EPC1: variants seen among roughly 807,000 people sequenced by gnomAD.
The protein encoded by EPC1 is enhancer of polycomb 1, also known as enhancer of polycomb homolog 1.
In EPC1, 12 loss-of-function variants were observed where a neutral mutation model predicts 98.4. The ratio of observed to expected loss-of-function variants is 0.12; its 90% CI spans 0.08 to 0.20. The LOEUF is 0.20. Among genes scored for constraint, EPC1 ranks in the 10% least tolerant of loss-of-function variants. The pLI, the probability that EPC1 is intolerant of heterozygous loss-of-function variation, is 1.00. For synonymous variants in EPC1, 357 were observed against 363.9 expected (o/e 0.98, Z 0.21); for missense variants, 729 against 990.5 (o/e 0.74, Z 3.54).
chr10:32,277,450 C>T (rs914844767), intron 10 of EPC1, among the ~76,000 whole-genome samples: 6 of 152,196 alleles, frequency 3.9e-5, no homozygotes, highest in African/African-American at 1.4e-4. Flanking sequence ...TAACCAAGAT[C>T]CTCAAACAAC....
chr10:32,286,676 A>T lies in EPC1; in HGVS notation c.1391+18T>A. Reference sequence around the variant, plus strand: ...ATGCCTAAAATATCCTTCTGCTAGGAATACAGAAATACCTTACCTTCCACC... The same window carrying T: ...ATGCCTAAAATATCCTTCTGCTAGGTATACAGAAATACCTTACCTTCCACC... On this transcript the variant is annotated intron_variant, in intron 9 of 13. Transcript: ENST00000319778. 1 of 1,613,110 alleles carries T rather than the reference A, an allele frequency of 6.2e-7. No individual in the cohort carries two copies. The highest frequency in any genetic ancestry group is 8.5e-7 in the Non-Finnish European group (1 of 1,179,624).
rs1398651334 is a variant in EPC1, at chr10:32,347,075, G to A, written c.-160C>T. 2.5e-5 allele frequency: 36 copies of A among 1,451,560 alleles called. No homozygotes were observed. The highest frequency in any genetic ancestry group is 3.0e-5 in the Non-Finnish European group (33 of 1,108,552). The allele number at this position is 1,451,560 out of a possible 1,614,324, so 89.9% of individuals were successfully genotyped here. On this transcript the variant is annotated 5_prime_UTR_variant, in exon 1 of 14. Transcript: ENST00000319778. Reference sequence around the variant, plus strand: ...GGGCACTAACACCAGCCGGGAGGGTGGGAGGCTGTGCCGCTCCGCTCCTCT... The same window carrying A: ...GGGCACTAACACCAGCCGGGAGGGTAGGAGGCTGTGCCGCTCCGCTCCTCT...
chr10:32,334,122 A>G (rs922556787), intron 1 of EPC1, among the ~76,000 whole-genome samples: 1 of 152,254 alleles, frequency 6.6e-6, no homozygotes, highest in Non-Finnish European at 1.5e-5. Flanking sequence ...CTAGGAATTG[A>G]GACTCACCTA....
At chr10:32,346,510 C>T (rs1387616875) in intron 1 of EPC1, 12 of 496,842 alleles carry the variant, frequency 2.4e-5, no homozygotes, top group Non-Finnish European at 4.0e-5. Flanking sequence ...TTGTGCCTTT[C>T]GGGCCCCCGA....
At chr10:32,345,194 CAAGTAA>C (rs1564560024) in intron 1 of EPC1, 1 of 984,754 alleles carries the variant, frequency 1.0e-6, no homozygotes, top group Non-Finnish European at 1.2e-6. Flanking sequence ...AAAGTTGATA[CAAGTAA>C]AATAAATTAA....
At chr10:32,338,403 CACATGGTAGCCAGAATAATCTTGAAAA>C (rs1838109378) in intron 1 of EPC1, among the ~76,000 whole-genome samples, 1 of 152,198 alleles carries the variant, frequency 6.6e-6, no homozygotes, top group South Asian at 2.1e-4. Context: ...ACTCATTCTC[CACATGGTAGCCAGAATAATCTTGAAAA>C]ACCATTAAAT....
At chr10:32,290,105 A>G (rs1030816059) in intron 6 of EPC1, among the ~76,000 whole-genome samples, 2 of 152,124 alleles carry the variant, frequency 1.3e-5, no homozygotes, top group African/African-American at 4.8e-5. Context: ...AATTTGTCAA[A>G]TATTTCCATT....
chr10:32,300,069 G>A (rs528432787), intron 2 of EPC1, among the ~76,000 whole-genome samples: 11 of 151,750 alleles, frequency 7.2e-5, no homozygotes, highest in South Asian at 6.3e-4. Flanking sequence ...CTGCCACCAC[G>A]CCCGGCTAAT....
chr10:32,275,620 A>C (rs1836046812), intron 10 of EPC1, among the ~76,000 whole-genome samples: 3 of 151,966 alleles, frequency 2.0e-5, no homozygotes, highest in South Asian at 2.1e-4. Context: ...AAAAACAAAA[A>C]AAAAATTAGC....
At chr10:32,334,029 T>G (rs1837800864) in intron 1 of EPC1, among the ~76,000 whole-genome samples, 1 of 152,328 alleles carries the variant, frequency 6.6e-6, no homozygotes, top group Non-Finnish European at 1.5e-5. Flanking sequence ...AACAAACATG[T>G]ACTACCTTTC....
intron 1 of EPC1, among the ~76,000 whole-genome samples, chr10:32,378,196 A>G (rs1839909253): frequency 6.6e-6 from 1 of 152,190 alleles, no homozygotes; most frequent in African/African-American, 2.4e-5. Context: ...CATATTTGGC[A>G]TTGCCAACAT....
intron 1 of EPC1, chr10:32,345,384 A>C: frequency 2.0e-6 from 2 of 985,448 alleles, no homozygotes; most frequent in Non-Finnish European, 2.4e-6. Context: ...AAAGAGTTTA[A>C]ACAGTTTTAT....
At chr10:32,312,613 A>G (rs1305279368) in intron 1 of EPC1, among the ~76,000 whole-genome samples, 5 of 152,180 alleles carry the variant, frequency 3.3e-5, no homozygotes, top group African/African-American at 7.2e-5. Context: ...TCTAAGCAAC[A>G]TAAGAGAAGG....
In EPC1 at chr10:32,365,638, C is replaced by A. The variant is rs143208879; in HGVS notation, c.3+12853G>T. ...GACCAGCCTGGCCAACATGGTGAAA[C>A]CCCTGTCTCTACTAAAATTCAAAAA... is the stretch of plus-strand genomic sequence containing the variant. On this transcript the variant is annotated intron_variant, in intron 1 of 13. Transcript: ENST00000375110. Among the ~76,000 whole-genome samples, 1,336 of 150,888 alleles carry A rather than the reference C, an allele frequency of 8.9e-3. 19 individuals carry two copies. The highest frequency in any genetic ancestry group is 0.031 in the African/African-American group (1,273 of 41,028).
chr10:32,302,722 C>A (rs1412732808), intron 2 of EPC1, among the ~76,000 whole-genome samples: 1 of 150,830 alleles, frequency 6.6e-6, no homozygotes, highest in Non-Finnish European at 1.5e-5. Flanking sequence ...AGAGGATGTA[C>A]AGACTGGCAA....
upstream of EPC1, among the ~76,000 whole-genome samples, chr10:32,351,542 C>T (rs1184885141): frequency 6.6e-6 from 1 of 151,608 alleles, no homozygotes; most frequent in African/African-American, 2.4e-5. Flanking sequence ...CCTGTAATCC[C>T]AGCTACTCAG....
chr10:32,345,726 A>G (rs1838730190), intron 1 of EPC1: 1 of 709,166 alleles, frequency 1.4e-6, no homozygotes, highest in East Asian at 1.3e-4. Flanking sequence ...AGTTGTCAAC[A>G]TTTACGTGCT....
intron 2 of EPC1, among the ~76,000 whole-genome samples, chr10:32,301,088 A>ATCTG (rs1835506472): frequency 6.8e-6 from 1 of 147,610 alleles, no homozygotes; most frequent in African/African-American, 2.6e-5. Flanking sequence ...CTATCTATCT[A>ATCTG]TCTGCCTGCC....
intron 1 of EPC1, among the ~76,000 whole-genome samples, chr10:32,311,121 T>C (rs1374773457): frequency 5.3e-5 from 8 of 152,064 alleles, no homozygotes; most frequent in East Asian, 3.9e-4. Context: ...CCATCCTGGC[T>C]AACACGGTGA....
Sources: allele counts gnomAD v4.1 joint callset (sites outside exome capture counted in the v4.1 genomes callset), GRCh38; gene constraint gnomAD v4.1.1; transcripts MANE v1.5; gene names NCBI Gene and HGNC (gene_info 2026-07-23, HGNC 2026-07-21).